Variants in SPECC1L observed in about 807,000 individuals in gnomAD.
SPECC1L encodes cytospin-A.
Under a neutral mutation model 116.8 loss-of-function variants are expected in SPECC1L, and 40 were observed. The observed-to-expected ratio is 0.34, with a 90% CI of 0.27 to 0.45. The LOEUF (loss-of-function observed/expected upper bound fraction) is 0.45. Among genes scored for constraint, SPECC1L ranks in the 20% least tolerant of loss-of-function variants. SPECC1L has a pLI of 1.00. For missense variants in SPECC1L, 1,110 were observed against 1,373.6 expected, an observed-to-expected ratio of 0.81 and a Z score of 3.03; for synonymous variants, 504 against 500.6, an observed-to-expected ratio of 1.01 and a Z score of -0.09.
At chr22:24,367,236 G>T (rs2041787754) in intron 13 of SPECC1L, among the ~76,000 whole-genome samples, 1 of 152,064 alleles carries the variant, frequency 6.6e-6, no homozygotes, top group African/African-American at 2.4e-5. Context: ...GTTTTTGTTT[G>T]TTTTTTGTTT....
At chr22:24,317,166 G>C (rs2040596489) in intron 4 of SPECC1L, among the ~76,000 whole-genome samples, 1 of 92,788 alleles carries the variant, frequency 1.1e-5, no homozygotes, top group African/African-American at 4.2e-5. Context: ...CGGACGGGGC[G>C]GCTGGCTGGG....
In SPECC1L at chr22:24,415,583, T is replaced by G. The variant is rs1017071342; in HGVS notation, c.*960T>G. 1 of 152,542 alleles carries G rather than the reference T, an allele frequency of 6.6e-6. No individual in the cohort carries two copies. Among genetic ancestry groups the G allele is most frequent in the Non-Finnish European group, 1.5e-5 (1 of 68,026 alleles). The allele number at this position is 152,542 out of a possible 1,614,324, so 9.4% of individuals were successfully genotyped here. On this transcript the variant is annotated 3_prime_UTR_variant, in exon 17 of 17. Coordinates refer to ENST00000314328, the MANE Select transcript of SPECC1L (RefSeq NM_015330.6). ...AGGAAATAGGAGAAAAGTAAACAAC[T>G]TTAGGGAGCCCAGGCAGTGTCATTT...
chr22:24,271,698 G>A (rs1337640908), intron 1 of SPECC1L, among the ~76,000 whole-genome samples: 1 of 152,250 alleles, frequency 6.6e-6, no homozygotes, highest in Admixed American at 6.5e-5. Flanking sequence ...GTTTCCAGTA[G>A]TTTTAGCCCA....
chr22:24,333,514 A>G (rs957215479), intron 8 of SPECC1L, among the ~76,000 whole-genome samples: 10 of 151,484 alleles, frequency 6.6e-5, no homozygotes, highest in Non-Finnish European at 1.5e-5. Context: ...AGGATGCATC[A>G]CACTGAGCTT....
chr22:24,356,124 G>A (rs1248308314), intron 11 of SPECC1L, among the ~76,000 whole-genome samples: 1 of 151,730 alleles, frequency 6.6e-6, no homozygotes, highest in Non-Finnish European at 1.5e-5. Flanking sequence ...TCTCTCACTT[G>A]GCAGCATGTT....
chr22:24,295,900 G>A (rs4049943), intron 2 of SPECC1L, among the ~76,000 whole-genome samples: 3 of 152,108 alleles, frequency 2.0e-5, no homozygotes, highest in South Asian at 2.1e-4. Context: ...GTGAGCCAAG[G>A]TCGTGCCGTC....
chr22:24,292,351 A>G (rs4049951), intron 2 of SPECC1L, among the ~76,000 whole-genome samples: 2 of 152,196 alleles, frequency 1.3e-5, no homozygotes, highest in African/African-American at 4.8e-5. Flanking sequence ...TGCTGTCCCT[A>G]ACCTTGGACT....
intron 14 of SPECC1L, among the ~76,000 whole-genome samples, chr22:24,379,471 A>T (rs1468710712): frequency 6.6e-6 from 1 of 152,220 alleles, no homozygotes; most frequent in African/African-American, 2.4e-5. Context: ...TCAAACATTA[A>T]GTCAGTTATT....
intron 14 of SPECC1L, among the ~76,000 whole-genome samples, chr22:24,390,477 G>A (rs1007307786): frequency 6.6e-6 from 1 of 152,174 alleles, no homozygotes; most frequent in Non-Finnish European, 1.5e-5. Flanking sequence ...GTAGATAAGA[G>A]TTTTGATCTG....
At chr22:24,288,679 G>A (rs2049099176) in intron 2 of SPECC1L, among the ~76,000 whole-genome samples, 1 of 130,406 alleles carries the variant, frequency 7.7e-6, no homozygotes, top group South Asian at 2.5e-4. Context: ...AGGCTGGAGT[G>A]CAATGGCGTG....
intron 9 of SPECC1L, 37 bp downstream of exon 9, chr22:24,334,610 G>A (rs200180597): frequency 3.7e-6 from 6 of 1,609,338 alleles, no homozygotes; most frequent in African/African-American, 1.3e-5. Context: ...TACTGCATGC[G>A]GTTGTGTTCA....
At chr22:24,412,743 C>A (rs200297009) in intron 16 of SPECC1L, 36 bp downstream of exon 16, 104 of 1,606,948 alleles carry the variant, frequency 6.5e-5, no homozygotes, top group Non-Finnish European at 7.4e-5. Context: ...TGGCAGGGCC[C>A]TCCTTCTGGT....
intron 11 of SPECC1L, among the ~76,000 whole-genome samples, chr22:24,349,357 TC>T (rs1400257373): frequency 6.6e-6 from 1 of 152,208 alleles, no homozygotes; most frequent in African/African-American, 2.4e-5. Flanking sequence ...TTTCTCTTCT[TC>T]CTGACCTGTA....
rs1402782617 is a variant in SPECC1L at position 24,415,698 on chromosome 22, C to T, written c.*1075C>T. The T allele has an allele frequency of 1.3e-5, 2 of 152,514 alleles. No individual in the cohort carries two copies. The highest frequency in any genetic ancestry group is 2.1e-4 in the South Asian group (1 of 4,824). 9.4% of individuals were successfully genotyped at this position (152,514 alleles called of 1,614,324 possible). On this transcript the variant is annotated 3_prime_UTR_variant, in exon 17 of 17. Coordinates refer to ENST00000314328, the MANE Select transcript of SPECC1L (RefSeq NM_015330.6). The stretch of plus-strand genomic sequence containing the variant: ...TCTTGTGAGGGCAGCCACTGCCCTC[C>T]GTGGCCAAGGCAGGACCTCCAAGAC...
chr22:24,351,550 A>G (rs1378839324), intron 11 of SPECC1L, among the ~76,000 whole-genome samples: 5 of 152,166 alleles, frequency 3.3e-5, no homozygotes, highest in Admixed American at 2.6e-4. Context: ...GTCTGTTGTC[A>G]TGCCTTAGTG....
At chr22:24,304,240 GAC>G (rs2049444362) in intron 3 of SPECC1L, among the ~76,000 whole-genome samples, 1 of 152,108 alleles carries the variant, frequency 6.6e-6, no homozygotes, top group Non-Finnish European at 1.5e-5. Flanking sequence ...TTCATTTATG[GAC>G]ACCCACACCT....
intron 4 of SPECC1L, 30 bp downstream of exon 4, chr22:24,313,496 A>G (rs542385849): frequency 9.3e-6 from 15 of 1,612,760 alleles, no homozygotes; most frequent in East Asian, 8.9e-5. Context: ...TGAGACTTCA[A>G]CTGCTTTTTT....
At chr22:24,297,473 A>G (rs200349057) in intron 2 of SPECC1L, among the ~76,000 whole-genome samples, 1 of 152,110 alleles carries the variant, frequency 6.6e-6, no homozygotes, top group Admixed American at 6.6e-5. Flanking sequence ...ATATATATAT[A>G]TCTCTCCAGT....
In SPECC1L at chr22:24,302,293, A is replaced by G. The variant is rs1380570218; in HGVS notation, c.62A>G (p.Gln21Arg). 6.2e-7 allele frequency: 1 copy of G among 1,614,090 alleles called. No individual in the cohort carries two copies. The highest frequency in any genetic ancestry group is 2.2e-5 in the East Asian group (1 of 44,898). Residue 21 changes from glutamine to arginine, a missense_variant, in exon 3 of 17, where the codon CAA becomes CGA. Coordinates refer to ENST00000314328, the MANE Select transcript of SPECC1L (RefSeq NM_015330.6). ...AAAGTGTCTGCAATAAGTAAAACGC[A>G]AACAGCAGAAAAAATTAAACCTGAA... ...VPKVSAISKT[Q>R]TAEKIKPENS...
Sources: gnomAD v4.1 joint callset for allele counts (sites outside exome capture counted in the v4.1 genomes callset) on GRCh38, gnomAD v4.1.1 for gene constraint, MANE v1.5 for transcripts, NCBI Gene and HGNC (gene_info 2026-07-23, HGNC 2026-07-21) for gene names.